Variants in CHRM3 observed in about 807,000 individuals in gnomAD.
The protein encoded by CHRM3 is cholinergic receptor muscarinic 3, also known as muscarinic acetylcholine receptor M3.
A neutral mutation model predicts 41.8 loss-of-function variants in CHRM3; 11 were observed. That is an observed-to-expected ratio of 0.26 (90% CI 0.17 to 0.44). The LOEUF (loss-of-function observed/expected upper bound fraction) is 0.44, where lower values mean the gene tolerates loss of function less well. Among genes scored for constraint, CHRM3 ranks in the 20% least tolerant of loss-of-function variants. The pLI is 1.00. For synonymous variants in CHRM3, 297 were observed against 301.4 expected (o/e 0.99, Z 0.15); for missense variants, 571 against 745.4 (o/e 0.77, Z 2.72).
rs544650476 is a variant in CHRM3 at position 239,414,760 on chromosome 1, C to T, written c.-521+27533C>T. Among the ~76,000 whole-genome samples the T allele has an allele frequency of 9.2e-5, 14 of 152,306 alleles. 1 individual carries two copies. Among genetic ancestry groups the T allele is most frequent in the African/African-American group, 2.6e-4 (11 of 41,574 alleles). On this transcript the variant is annotated intron_variant, in intron 1 of 6. Coordinates refer to ENST00000676153, the MANE Select transcript of CHRM3 (RefSeq NM_001375978.1). Reference sequence around the variant, plus strand: ...CTTAGGAGCTTCTGGCCTTAAGGAACACGTGGTGAGTAGTGAGATTCTAGT... The same window carrying T: ...CTTAGGAGCTTCTGGCCTTAAGGAATACGTGGTGAGTAGTGAGATTCTAGT...
intron 2 of CHRM3, among the ~76,000 whole-genome samples, chr1:239,535,037 C>A (rs1658059825): frequency 6.6e-6 from 1 of 152,220 alleles, no homozygotes; most frequent in Admixed American, 6.5e-5. Context: ...CCTCAGGCAG[C>A]TTACATTTTA....
chr1:239,406,465 T>C lies in CHRM3; in HGVS notation c.-521+19238T>C, dbSNP rs924288856. Reference sequence around the variant, plus strand: ...ATCAGCTATAGGAGTCCAAAGAAAATGAACTATGAACCAAAGTTAAATCCA... The same window carrying C: ...ATCAGCTATAGGAGTCCAAAGAAAACGAACTATGAACCAAAGTTAAATCCA... On this transcript the variant is annotated intron_variant, in intron 1 of 6. Coordinates refer to ENST00000676153, the MANE Select transcript of CHRM3 (RefSeq NM_001375978.1). Among the ~76,000 whole-genome samples the C allele has an allele frequency of 2.0e-5, 3 of 152,262 alleles. No individual in the cohort carries two copies. The East Asian group carries it at 5.8e-4, about 29-fold the overall frequency.
chr1:239,572,557 C>G (rs1431121118), intron 3 of CHRM3, among the ~76,000 whole-genome samples: 1 of 152,152 alleles, frequency 6.6e-6, no homozygotes, highest in Non-Finnish European at 1.5e-5. Flanking sequence ...TAGCAATCAG[C>G]AAACTCATAA....
chr1:239,485,122 A>C (rs1188799490), intron 1 of CHRM3, among the ~76,000 whole-genome samples: 1 of 152,150 alleles, frequency 6.6e-6, no homozygotes, highest in East Asian at 1.9e-4. Flanking sequence ...CTAAGGAAAA[A>C]TGTAAATTCC....
At chr1:239,784,113 G>A (rs966739050) in intron 5 of CHRM3, among the ~76,000 whole-genome samples, 55 of 152,150 alleles carry the variant, frequency 3.6e-4, no homozygotes, top group African/African-American at 1.3e-3. Flanking sequence ...TTACTTAGAT[G>A]CTTTCTTGTA....
chr1:239,881,140 G>A (rs112547545), intron 6 of CHRM3, among the ~76,000 whole-genome samples: 2,026 of 151,724 alleles, frequency 0.013, 51 homozygotes, highest in African/African-American at 0.047. Flanking sequence ...AAAATTAGCC[G>A]GGCGTGGTGG....
intron 5 of CHRM3, among the ~76,000 whole-genome samples, chr1:239,793,908 G>T (rs1572314629): frequency 7.0e-6 from 1 of 142,366 alleles, no homozygotes; most frequent in Non-Finnish European, 1.5e-5. Context: ...AACCTCCTGG[G>T]CTCAAATTTT....
chr1:239,455,240 G>A (rs921372222), intron 1 of CHRM3, among the ~76,000 whole-genome samples: 2 of 151,884 alleles, frequency 1.3e-5, no homozygotes, highest in Non-Finnish European at 2.9e-5. Flanking sequence ...TAGTAGACAC[G>A]GGGTTTCTCC....
chr1:239,835,852 A>C (rs1277942103), intron 6 of CHRM3, among the ~76,000 whole-genome samples: 1 of 152,248 alleles, frequency 6.6e-6, no homozygotes, highest in Non-Finnish European at 1.5e-5. Context: ...ACATGGACCT[A>C]AATTACTGCA....
chr1:239,553,897 T>A (rs780549803), intron 3 of CHRM3, among the ~76,000 whole-genome samples: 1 of 152,178 alleles, frequency 6.6e-6, no homozygotes, highest in Admixed American at 6.5e-5. Flanking sequence ...GGTTTCCACA[T>A]CTGTTTTTTG....
At chr1:239,754,819 G>A (rs190652918) in intron 5 of CHRM3, among the ~76,000 whole-genome samples, 2 of 152,228 alleles carry the variant, frequency 1.3e-5, no homozygotes, top group East Asian at 3.9e-4. Flanking sequence ...TCAAATTCAT[G>A]AGTTACGGTC....
chr1:239,417,206 T>A (rs889727644), intron 1 of CHRM3, among the ~76,000 whole-genome samples: 2 of 152,214 alleles, frequency 1.3e-5, no homozygotes, highest in East Asian at 3.8e-4. Context: ...TGCTCACACA[T>A]GCTGTTTTCA....
intron 5 of CHRM3, among the ~76,000 whole-genome samples, chr1:239,783,438 A>G (rs1668655318): frequency 6.6e-6 from 1 of 152,144 alleles, no homozygotes; most frequent in Non-Finnish European, 1.5e-5. Context: ...TAGAAGACTA[A>G]GAAAGGTAAA....
At chr1:239,664,906 T>G (rs1673617594) in intron 4 of CHRM3, among the ~76,000 whole-genome samples, 1 of 152,090 alleles carries the variant, frequency 6.6e-6, no homozygotes, top group Non-Finnish European at 1.5e-5. Context: ...TCCCTCTCCC[T>G]TCCTGTCCCT....
At chr1:239,557,256 T>G (rs1660450004) in intron 3 of CHRM3, among the ~76,000 whole-genome samples, 1 of 152,114 alleles carries the variant, frequency 6.6e-6, no homozygotes, top group Non-Finnish European at 1.5e-5. Context: ...GATTCAAACC[T>G]CCTTTAAAAC....
intron 6 of CHRM3, among the ~76,000 whole-genome samples, chr1:239,862,141 G>A (rs576180541): frequency 6.6e-6 from 1 of 152,196 alleles, no homozygotes; most frequent in Non-Finnish European, 1.5e-5. Context: ...ACCTTCTGAA[G>A]TCTATGTAAT....
intron 1 of CHRM3, among the ~76,000 whole-genome samples, chr1:239,399,682 CTCTTT>C (rs1659797484): frequency 1.3e-5 from 2 of 152,162 alleles, no homozygotes; most frequent in South Asian, 2.1e-4. Context: ...GAATTTTCTT[CTCTTT>C]TAAGCGTGAA....
At chr1:239,404,178 A>G (rs1386198184) in intron 1 of CHRM3, among the ~76,000 whole-genome samples, 2 of 150,768 alleles carry the variant, frequency 1.3e-5, no homozygotes, top group Non-Finnish European at 2.9e-5. Flanking sequence ...AGTCCCAGCT[A>G]CTCGGGAGGC....
At chr1:239,696,720 T>G (rs1388333363) in intron 5 of CHRM3, among the ~76,000 whole-genome samples, 1 of 152,326 alleles carries the variant, frequency 6.6e-6, no homozygotes, top group Non-Finnish European at 1.5e-5. Context: ...ATATGAATTA[T>G]GTGTCAAAAA....
Sources: allele counts gnomAD v4.1 joint callset (sites outside exome capture counted in the v4.1 genomes callset), GRCh38; gene constraint gnomAD v4.1.1; transcripts MANE v1.5; gene names NCBI Gene and HGNC (gene_info 2026-07-23, HGNC 2026-07-21).